FAM114A1: variants seen among roughly 807,000 people sequenced by gnomAD.
FAM114A1 encodes protein NOXP20.
FAM114A1 carries 62 observed loss-of-function variants against 64.3 expected under a neutral mutation model. That is an observed-to-expected ratio of 0.96 (90% CI 0.79 to 1.19). The LOEUF is 1.19. FAM114A1 is among the 50% of genes most tolerant of loss of function. The probability of loss-of-function intolerance (pLI) is 0.00; values close to 1 mark genes in which losing one functional copy is unlikely to be tolerated. For missense variants in FAM114A1, 645 were observed against 676.3 expected (o/e 0.95, Z 0.51); for synonymous variants, 254 against 251.1 (o/e 1.01, Z -0.11).
intron 8 of FAM114A1, among the ~76,000 whole-genome samples, chr4:38,918,070 C>G (rs1719244791): frequency 6.6e-6 from 1 of 150,600 alleles, no homozygotes; most frequent in Admixed American, 6.6e-5. Context: ...AAAAAAAATA[C>G]AAAATTAGCC....
rs1306525311 is a variant in FAM114A1, at chr4:38,883,166, G to A, written c.348+4740G>A. 2.0e-5 allele frequency among the ~76,000 whole-genome samples: 3 copies of A among 152,178 alleles called. No individual in the cohort carries two copies. In the East Asian group the frequency reaches 5.8e-4, roughly 29 times the overall value. Reference sequence around the variant, plus strand: ...ACAATGCATTATGCCCAGAAATCTGGGTGGTGTAACTATCTTCAGGATGCC... The same window carrying A: ...ACAATGCATTATGCCCAGAAATCTGAGTGGTGTAACTATCTTCAGGATGCC... On this transcript the variant is annotated intron_variant, in intron 3 of 14. Transcript: ENST00000358869.
intron 13 of FAM114A1, 49 bp downstream of exon 13, chr4:38,935,839 T>A: frequency 7.4e-7 from 1 of 1,343,854 alleles, no homozygotes; most frequent in Non-Finnish European, 1.1e-6. Flanking sequence ...GGGAAGTATG[T>A]CTGTGAGGAA....
intron 9 of FAM114A1, among the ~76,000 whole-genome samples, chr4:38,924,083 A>G (rs559861252): frequency 1.3e-5 from 2 of 152,156 alleles, no homozygotes; most frequent in South Asian, 4.1e-4. Context: ...CATTTTCACC[A>G]TTTTCTTGCT....
intron 7 of FAM114A1, among the ~76,000 whole-genome samples, chr4:38,909,520 A>G (rs944516589): frequency 2.6e-5 from 4 of 151,818 alleles, no homozygotes; most frequent in African/African-American, 9.7e-5. Flanking sequence ...CTTACTTACA[A>G]TAGTTAAGAA....
chr4:38,942,539 G>A (rs1721653757), intron 14 of FAM114A1, among the ~76,000 whole-genome samples: 1 of 152,064 alleles, frequency 6.6e-6, no homozygotes, highest in Admixed American at 6.5e-5. Flanking sequence ...GAGGTCAAAT[G>A]TTTTTTCCGT....
In FAM114A1 at chr4:38,923,061, A is replaced by G. The variant is rs536575515; in HGVS notation, c.1069+168A>G. ...TTACAGGAGCTGGTCACATTGATTT[A>G]TAAGACTCTCTTTCACTGGTCGGGA... On this transcript the variant is annotated intron_variant, in intron 9 of 14. Coordinates refer to ENST00000358869, the MANE Select transcript of FAM114A1 (RefSeq NM_138389.4). 2.6e-5 allele frequency among the ~76,000 whole-genome samples: 4 copies of G among 152,302 alleles called. No individual in the cohort carries two copies. In the East Asian group the frequency reaches 7.7e-4, roughly 29 times the overall value.
Position 38,945,270 on chromosome 4 carries a change from G to A in FAM114A1, c.*1713G>A, listed in dbSNP as rs1721882125. ...TTGCTAAAGGACAGAAAATACTGATGTGTGTTTTAACTAACTGGTATATTG... is the reference window on the plus strand; with the variant it reads ...TTGCTAAAGGACAGAAAATACTGATATGTGTTTTAACTAACTGGTATATTG... On this transcript the variant is annotated 3_prime_UTR_variant, in exon 15 of 15. Transcript: ENST00000358869. 1 of 152,190 alleles carries A rather than the reference G, an allele frequency of 6.6e-6. No individual in the cohort carries two copies. The highest frequency in any genetic ancestry group is 2.4e-5 in the African/African-American group (1 of 41,450). 9.4% of individuals were successfully genotyped at this position (152,190 alleles called of 1,614,324 possible).
intron 2 of FAM114A1, among the ~76,000 whole-genome samples, chr4:38,873,692 A>T (rs1397601677): frequency 6.6e-6 from 1 of 152,190 alleles, no homozygotes. Flanking sequence ...AACATATGGA[A>T]CTAACAGCCC....
At chr4:38,935,854 G>T in intron 13 of FAM114A1, 64 bp downstream of exon 13, 1 of 1,183,638 alleles carries the variant, frequency 8.4e-7, no homozygotes, top group South Asian at 1.3e-5. Context: ...GAGGAAATGT[G>T]GAGATGCAGC....
At chr4:38,902,535 A>T (rs772741969) in intron 4 of FAM114A1, among the ~76,000 whole-genome samples, 2 of 152,212 alleles carry the variant, frequency 1.3e-5, no homozygotes, top group Non-Finnish European at 2.9e-5. Flanking sequence ...TTGAGTATAG[A>T]TGGTAAATTA....
chr4:38,924,889 T>C (rs980974091), intron 9 of FAM114A1, among the ~76,000 whole-genome samples: 4 of 152,222 alleles, frequency 2.6e-5, no homozygotes, highest in Non-Finnish European at 5.9e-5. Flanking sequence ...ACCTTGGTCC[T>C]ATTAAGGGTG....
In FAM114A1 at chr4:38,905,619, A is replaced by C. The variant is rs1301158235; in HGVS notation, c.534A>C (p.Glu178Asp). 1 of 1,614,088 alleles carries C rather than the reference A, an allele frequency of 6.2e-7. No homozygotes were observed. Among genetic ancestry groups the C allele is most frequent in the East Asian group, 2.2e-5 (1 of 44,892 alleles). ...GSSEGAQPNTENGVPEITDAA... is the reference protein window; with the variant it reads ...GSSEGAQPNTDNGVPEITDAA... Reference sequence around the variant, plus strand: ...CTGAAGGAGCCCAACCAAATACTGAAAACGGAGTCCCTGAAAGTGAGTGAT... The same window carrying C: ...CTGAAGGAGCCCAACCAAATACTGACAACGGAGTCCCTGAAAGTGAGTGAT... The change falls in exon 5 of 15, where the codon GAA (glutamate) becomes GAC (aspartate). Residue 178 changes from glutamate to aspartate, a missense_variant. Glu to Asp is a conservative substitution (Grantham distance 45, BLOSUM62 2). Transcript: ENST00000358869.
chr4:38,869,787 C>G (rs1468353057), intron 2 of FAM114A1, among the ~76,000 whole-genome samples: 1 of 151,580 alleles, frequency 6.6e-6, no homozygotes, highest in African/African-American at 2.4e-5. Flanking sequence ...TTTATGCTGC[C>G]AAGTCAGGCC....
intron 7 of FAM114A1, among the ~76,000 whole-genome samples, chr4:38,912,009 C>T (rs1718599989): frequency 6.6e-6 from 1 of 151,566 alleles, no homozygotes; most frequent in Non-Finnish European, 1.5e-5. Flanking sequence ...TTACAGTGTG[C>T]ACCACCACGC....
At chr4:38,939,322 G>A (rs1721393855) in intron 13 of FAM114A1, among the ~76,000 whole-genome samples, 1 of 152,160 alleles carries the variant, frequency 6.6e-6, no homozygotes, top group Admixed American at 6.5e-5. Flanking sequence ...ATCTTGTGCT[G>A]TGATGAATCA....
At chr4:38,907,584 A>G (rs1718146739) in intron 6 of FAM114A1, among the ~76,000 whole-genome samples, 1 of 152,174 alleles carries the variant, frequency 6.6e-6, no homozygotes, top group African/African-American at 2.4e-5. Context: ...TGCGCACTGA[A>G]AACTGATTTA....
At chr4:38,938,370 G>A (rs940057398) in intron 13 of FAM114A1, 1 of 152,220 alleles carries the variant, frequency 6.6e-6, no homozygotes, top group African/African-American at 2.4e-5. Flanking sequence ...TGTGAATAAG[G>A]GGTGAGCTAC....
intron 4 of FAM114A1, among the ~76,000 whole-genome samples, chr4:38,903,762 A>G (rs899393871): frequency 2.0e-5 from 3 of 152,216 alleles, no homozygotes; most frequent in African/African-American, 7.2e-5. Flanking sequence ...TCAGTAATTA[A>G]TTTGAACTGT....
rs577230869 is a variant in FAM114A1, at chr4:38,935,542, G to A, written c.1464-176G>A. On this transcript the variant is annotated intron_variant, in intron 12 of 14. Transcript: ENST00000358869. ...CAGGATTAGATTAAACTGTGATTGC[G>A]AATCATGGAAGATGATTAAGGAAAA... 3.3e-5 allele frequency among the ~76,000 whole-genome samples: 5 copies of A among 152,276 alleles called. No homozygotes were observed. The South Asian group carries it at 8.3e-4, about 25-fold the overall frequency.
Sources: allele counts gnomAD v4.1 joint callset (sites outside exome capture counted in the v4.1 genomes callset), GRCh38; gene constraint gnomAD v4.1.1; transcripts MANE v1.5; gene names NCBI Gene and HGNC (gene_info 2026-07-23, HGNC 2026-07-21).